Variants in ANKRD26 observed in about 807,000 individuals in gnomAD.
ANKRD26 encodes the protein ankyrin repeat domain 26.
A neutral mutation model predicts 208.7 loss-of-function variants in ANKRD26; 141 were observed. The observed-to-expected ratio is 0.68, with a 90% CI of 0.59 to 0.78. ANKRD26 has a LOEUF of 0.78. Ranked by LOEUF, ANKRD26 falls within the 30% of genes least tolerant of loss-of-function variation. The pLI, the probability that ANKRD26 is intolerant of heterozygous loss-of-function variation, is 0.00. For missense variants in ANKRD26, 1,889 were observed against 1,938.7 expected, an observed-to-expected ratio of 0.97 and a Z score of 0.48; for synonymous variants, 636 against 660.4, an observed-to-expected ratio of 0.96 and a Z score of 0.57.
At chr10:27,034,016 T>C (rs1250254160) in intron 24 of ANKRD26, among the ~76,000 whole-genome samples, 1 of 152,194 alleles carries the variant, frequency 6.6e-6, no homozygotes, top group East Asian at 1.9e-4. Flanking sequence ...CTTACTTATC[T>C]TTATACTGAA....
rs369966991 is a variant in ANKRD26 at position 27,019,564 on chromosome 10, C to T, written c.4216-1772G>A. Among the ~76,000 whole-genome samples the T allele has an allele frequency of 5.9e-4, 90 of 151,658 alleles. 1 individual carries two copies. Among genetic ancestry groups the T allele is most frequent in the African/African-American group, 2.1e-3 (88 of 41,426 alleles). ...TCTAGATAGAGTTGCTTATATTTTT[C>T]CAGTTCAGTTTTATTAAAGTCTTCT... On this transcript the variant is annotated intron_variant, in intron 29 of 33. Coordinates refer to ENST00000376087, the MANE Select transcript of ANKRD26 (RefSeq NM_014915.3).
At chr10:27,038,185 T>C in intron 21 of ANKRD26, 131 bp from the exon 22 acceptor site, 1 of 769,846 alleles carries the variant, frequency 1.3e-6, no homozygotes, top group Non-Finnish European at 2.1e-6. Context: ...TTTTCCTTTC[T>C]AGTTCTCTGA....
chr10:26,972,096 G>C (rs531807390), downstream of ANKRD26, among the ~76,000 whole-genome samples: 14 of 152,092 alleles, frequency 9.2e-5, no homozygotes, highest in African/African-American at 2.9e-4. Flanking sequence ...TTAGCCAGGC[G>C]TGGTGGCGGG....
intron 9 of ANKRD26, among the ~76,000 whole-genome samples, chr10:27,072,319 T>C (rs902093590): frequency 6.6e-6 from 1 of 152,202 alleles, no homozygotes; most frequent in African/African-American, 2.4e-5. Context: ...CCCCAGCTCC[T>C]TCTGTGGATT....
intron 15 of ANKRD26, 28 bp from the exon 16 acceptor site, chr10:27,053,418 T>G (rs775270139): frequency 8.2e-5 from 123 of 1,494,946 alleles, no homozygotes; most frequent in Non-Finnish European, 1.1e-4. Context: ...TTTAGTTTAA[T>G]GAACTACTTA....
At chr10:27,028,454 G>A (rs555473281) in intron 27 of ANKRD26, among the ~76,000 whole-genome samples, 32 of 151,518 alleles carry the variant, frequency 2.1e-4, no homozygotes, top group African/African-American at 7.5e-4. Context: ...AAAATTAACC[G>A]GGTGTGGTGG....
intron 15 of ANKRD26, among the ~76,000 whole-genome samples, chr10:27,058,504 C>T (rs1187331559): frequency 6.6e-6 from 1 of 152,092 alleles, no homozygotes; most frequent in East Asian, 1.9e-4. Flanking sequence ...TACATATCAA[C>T]AGCTACAAAC....
At position 27,094,733 on chromosome 10, in the gene ANKRD26, G is replaced by A. The variant is rs1420885230; in HGVS notation, c.243-934C>T. ...GATCAGCGATAAGGCCAGGCATGGCGGCTCATGCCTGAATCCCAGAACTTT... is the reference window on the plus strand; with the variant it reads ...GATCAGCGATAAGGCCAGGCATGGCAGCTCATGCCTGAATCCCAGAACTTT... On this transcript the variant is annotated intron_variant, in intron 1 of 33. Transcript: ENST00000376087. 5.3e-5 allele frequency among the ~76,000 whole-genome samples: 8 copies of A among 152,326 alleles called. No individual in the cohort carries two copies. The East Asian group carries it at 9.6e-4, about 18-fold the overall frequency.
At chr10:26,952,111 A>G in the ANKRD26 span, among the ~76,000 whole-genome samples, 1 of 152,162 alleles carries the variant, frequency 6.6e-6, no homozygotes, top group Non-Finnish European at 1.5e-5. Flanking sequence ...GGAGCCAATG[A>G]AATTATTCAA....
intron 17 of ANKRD26, among the ~76,000 whole-genome samples, chr10:27,047,104 G>C (rs946750731): frequency 2.6e-5 from 4 of 152,220 alleles, no homozygotes; most frequent in Non-Finnish European, 4.4e-5. Context: ...GTAGCAATTA[G>C]ATTTGGGCTA....
intron 15 of ANKRD26, among the ~76,000 whole-genome samples, chr10:27,057,825 T>C (rs1258922996): frequency 6.6e-6 from 1 of 151,436 alleles, no homozygotes; most frequent in Non-Finnish European, 1.5e-5. Context: ...TAGCCCTAGC[T>C]ACTCAGGAGG....
At chr10:27,094,028 C>G (rs2056387381) in intron 1 of ANKRD26, among the ~76,000 whole-genome samples, 1 of 152,070 alleles carries the variant, frequency 6.6e-6, no homozygotes, top group African/African-American at 2.4e-5. Flanking sequence ...GGATGGTTCC[C>G]CCGTGCTGCT....
chr10:26,972,158 C>G, downstream of ANKRD26, among the ~76,000 whole-genome samples: 1 of 151,408 alleles, frequency 6.6e-6, no homozygotes, highest in East Asian at 1.9e-4. Flanking sequence ...TGGCGTGATC[C>G]CGGGAGGCGG....
intron 9 of ANKRD26, 143 bp downstream of exon 9, chr10:27,077,195 C>T: frequency 1.4e-6 from 1 of 716,822 alleles, no homozygotes; most frequent in South Asian, 1.8e-5. Context: ...GATGGTTCAA[C>T]ATATGCAAGT....
Position 27,028,918 on chromosome 10 carries a change from T to G in ANKRD26, c.3906A>C (p.Lys1302Asn). The stretch of plus-strand genomic sequence containing the variant: ...TGTCCATTTGCTTTTTGACTGTAAC[T>G]TTTAACTTGGCATTATCTTTTTCAA... ...QKLEKDNAKL[K>N]VTVKKQMDKI... is the part of the protein sequence containing the mutation. Residue 1302 changes from lysine to asparagine, a missense_variant, in exon 27 of 34, where the codon AAA becomes AAC. Transcript: ENST00000376087. 1 of 1,612,572 alleles carries G rather than the reference T, an allele frequency of 6.2e-7. No individual in the cohort carries two copies. Among genetic ancestry groups the G allele is most frequent in the Non-Finnish European group, 8.5e-7 (1 of 1,179,146 alleles).
intron 9 of ANKRD26, among the ~76,000 whole-genome samples, chr10:27,075,141 A>C (rs1047618663): frequency 3.3e-5 from 5 of 152,228 alleles, no homozygotes; most frequent in African/African-American, 1.2e-4. Flanking sequence ...AACTTCTGAA[A>C]GCATACAATT....
chr10:26,948,427 C>A, the ANKRD26 span, among the ~76,000 whole-genome samples: 236 of 152,184 alleles, frequency 1.6e-3, 1 homozygote, highest in Non-Finnish European at 2.5e-3. Context: ...AGACTTCATT[C>A]GGGAAAAATA....
intron 4 of ANKRD26, among the ~76,000 whole-genome samples, chr10:27,090,477 A>G (rs35693801): frequency 0.082 from 12,521 of 152,246 alleles, 714 homozygotes; most frequent in East Asian, 0.28. Context: ...AATTTGATAT[A>G]CTTTACCAAT....
Position 27,050,660 on chromosome 10 carries a change from T to C in ANKRD26, c.1636-1681A>G, listed in dbSNP as rs2054623204. ...TTTTATATCTCTTCTCAGTCACTGCTTCTCTCCCACTGTATTGCCATGTTG... is the reference window on the plus strand; with the variant it reads ...TTTTATATCTCTTCTCAGTCACTGCCTCTCTCCCACTGTATTGCCATGTTG... On this transcript the variant is annotated intron_variant, in intron 16 of 33. Coordinates refer to ENST00000376087, the MANE Select transcript of ANKRD26 (RefSeq NM_014915.3). Among the ~76,000 whole-genome samples, 2 of 152,200 alleles carry C rather than the reference T, an allele frequency of 1.3e-5. 1 individual carries two copies. Among genetic ancestry groups the C allele is most frequent in the South Asian group, 4.1e-4 (2 of 4,832 alleles).
Sources: allele counts gnomAD v4.1 joint callset (sites outside exome capture counted in the v4.1 genomes callset), GRCh38; gene constraint gnomAD v4.1.1; transcripts MANE v1.5; gene names NCBI Gene and HGNC (gene_info 2026-07-23, HGNC 2026-07-21).